MASP1: variants seen among roughly 807,000 people sequenced by gnomAD.
MASP1 encodes mannan-binding lectin serine protease 1.
Under a neutral mutation model 77.1 loss-of-function variants are expected in MASP1, and 59 were observed. The ratio of observed to expected loss-of-function variants is 0.77; its 90% confidence interval spans 0.62 to 0.95. MASP1 has a LOEUF of 0.95. Among genes scored for constraint, MASP1 ranks in the 40% least tolerant of loss-of-function variants. The pLI, the probability that MASP1 is intolerant of heterozygous loss-of-function variation, is 0.00. For synonymous variants in MASP1, 362 were observed against 354.5 expected (o/e 1.02, Z -0.24); for missense variants, 885 against 912.9 (o/e 0.97, Z 0.39).
At chr3:187,267,005 C>T (rs1716086880) in intron 2 of MASP1, among the ~76,000 whole-genome samples, 1 of 152,250 alleles carries the variant, frequency 6.6e-6, no homozygotes, top group African/African-American at 2.4e-5. Flanking sequence ...CAGCTACCAA[C>T]TGGCTCCTCA....
exon 16 of MASP1, chr3:187,218,801 C>T (rs1050715201): frequency 1.3e-5 from 2 of 152,202 alleles, no homozygotes; most frequent in African/African-American, 4.8e-5. Flanking sequence ...TAGAAGCTTC[C>T]TGAGAGAGGA....
In MASP1 at chr3:187,243,087, T is replaced by C. The variant is rs192951514; in HGVS notation, c.1228+397A>G. On this transcript the variant is annotated intron_variant, in intron 9 of 10. Coordinates refer to ENST00000296280, the MANE Select transcript of MASP1 (RefSeq NM_139125.4). Reference sequence around the variant, plus strand: ...GTGAAGCAGTAATACTGGCCTTTTTTTGGAAACCCCAACTCAGCCTCAGAC... The same window carrying C: ...GTGAAGCAGTAATACTGGCCTTTTTCTGGAAACCCCAACTCAGCCTCAGAC... The C allele has an allele frequency of 5.1e-5, 16 of 315,796 alleles. No homozygotes were observed. The East Asian group carries it at 6.6e-4, about 13-fold the overall frequency. The allele number at this position is 315,796 out of a possible 1,614,324, so 19.6% of individuals were successfully genotyped here.
At chr3:187,266,148 C>A (rs1425863476) in intron 2 of MASP1, among the ~76,000 whole-genome samples, 1 of 152,146 alleles carries the variant, frequency 6.6e-6, no homozygotes, top group Non-Finnish European at 1.5e-5. Context: ...CTTCATTTTT[C>A]TATTTCTTCT....
Position 187,244,267 on chromosome 3 carries a change from C to T in MASP1, c.1091-646G>A, listed in dbSNP as rs1322518585. ...TTCATTTTCTATAATTGTTGATGGC[C>T]GCATGTTTGAGCCATAATTCCCAGT... On this transcript the variant is annotated intron_variant, in intron 8 of 10. Coordinates refer to ENST00000296280, the MANE Select transcript of MASP1 (RefSeq NM_139125.4). The T allele has an allele frequency of 7.6e-5, 12 of 157,842 alleles. No individual in the cohort carries two copies. In the South Asian group the frequency reaches 1.7e-3, roughly 22 times the overall value. The allele number at this position is 157,842 out of a possible 1,614,324, so 9.8% of individuals were successfully genotyped here. A position where few individuals can be genotyped will look rare whatever the true frequency, so the allele number is the denominator to read the frequency against.
intron 7 of MASP1, among the ~76,000 whole-genome samples, chr3:187,251,204 C>T (rs1714554486): frequency 6.6e-6 from 1 of 152,196 alleles, no homozygotes; most frequent in African/African-American, 2.4e-5. Context: ...AGGTGATCCA[C>T]CCGCCTGGGC....
intron 2 of MASP1, among the ~76,000 whole-genome samples, chr3:187,283,959 G>A (rs1717633604): frequency 6.6e-6 from 1 of 152,110 alleles, no homozygotes; most frequent in Non-Finnish European, 1.5e-5. Context: ...AGCGTAACTG[G>A]CCTTTTTGTC....
At chr3:187,241,835 A>G (rs1260232991) in intron 9 of MASP1, 2 of 364,322 alleles carry the variant, frequency 5.5e-6, no homozygotes, top group Non-Finnish European at 1.1e-5. Context: ...CTTCTATCAA[A>G]CTCCCTTTGC....
chr3:187,271,400 C>G (rs1385970028), intron 2 of MASP1, among the ~76,000 whole-genome samples: 1 of 152,118 alleles, frequency 6.6e-6, no homozygotes, highest in African/African-American at 2.4e-5. Flanking sequence ...TTAGAAATAA[C>G]TGTAAATATC....
chr3:187,229,734 T>C (rs1560232767), downstream of MASP1: 1 of 1,613,384 alleles, frequency 6.2e-7, no homozygotes, highest in South Asian at 1.1e-5. Flanking sequence ...GTTCCTTAGC[T>C]TCCACCCCTT....
At chr3:187,256,630 G>C (rs779223726) in intron 5 of MASP1, 34 bp downstream of exon 5, 12 of 1,608,676 alleles carry the variant, frequency 7.5e-6, no homozygotes, top group Non-Finnish European at 8.5e-6. Flanking sequence ...AGATTTTCCA[G>C]CATCTCCAGG....
intron 4 of MASP1, among the ~76,000 whole-genome samples, chr3:187,260,486 C>T (rs758874519): frequency 8.5e-5 from 13 of 152,170 alleles, no homozygotes; most frequent in Non-Finnish European, 1.3e-4. Context: ...GAGACAGCAA[C>T]CTGTATAGTG....
At chr3:187,247,437 G>A (rs745322087) in intron 8 of MASP1, 1 of 1,600,982 alleles carries the variant, frequency 6.2e-7, no homozygotes, top group Non-Finnish European at 8.6e-7. Flanking sequence ...GAGGAAGGAA[G>A]CAGAGAGAGG....
intron 2 of MASP1, among the ~76,000 whole-genome samples, chr3:187,282,370 G>A (rs188899339): frequency 6.6e-6 from 1 of 151,860 alleles, no homozygotes; most frequent in Admixed American, 6.6e-5. Flanking sequence ...GGTGGCATGT[G>A]CCTGTCGTCC....
chr3:187,241,570 G>C lies in MASP1; in HGVS notation c.1229-15C>G. Reference sequence around the variant, plus strand: ...GGTATATATACCTGGATTAGTGAAAGAGGTTAGGAGAGGAGGGAGAAAATG... The same window carrying C: ...GGTATATATACCTGGATTAGTGAAACAGGTTAGGAGAGGAGGGAGAAAATG... On this transcript the variant is annotated splice_polypyrimidine_tract_variant and intron_variant, in intron 9 of 10. Coordinates refer to ENST00000296280, the MANE Select transcript of MASP1 (RefSeq NM_139125.4). 3 of 1,537,934 alleles carry C rather than the reference G, an allele frequency of 2.0e-6. No individual in the cohort carries two copies. The highest frequency in any genetic ancestry group is 2.7e-6 in the Non-Finnish European group (3 of 1,110,392).
At chr3:187,240,503 G>T (rs953993741) in intron 10 of MASP1, among the ~76,000 whole-genome samples, 1 of 152,052 alleles carries the variant, frequency 6.6e-6, no homozygotes, top group Non-Finnish European at 1.5e-5. Context: ...AAATTACTAT[G>T]TTGTGAATAT....
chr3:187,267,343 T>C (rs1054786848), intron 2 of MASP1, among the ~76,000 whole-genome samples: 3 of 152,208 alleles, frequency 2.0e-5, no homozygotes, highest in East Asian at 1.9e-4. Context: ...TTGAGGAGCA[T>C]TGCAGACTTA....
intron 10 of MASP1, among the ~76,000 whole-genome samples, chr3:187,238,790 T>G (rs1004733961): frequency 6.6e-6 from 1 of 152,220 alleles, no homozygotes; most frequent in African/African-American, 2.4e-5. Flanking sequence ...AGTTTTCTCA[T>G]TTATAAAATA....
intron 8 of MASP1, chr3:187,247,395 T>C (rs371249097): frequency 1.4e-5 from 22 of 1,613,850 alleles, no homozygotes; most frequent in Non-Finnish European, 1.6e-5. Flanking sequence ...TCTGCCACCA[T>C]GGTGAAGATC....
At chr3:187,219,588 G>A (rs1317006565) in exon 16 of MASP1, 2 of 180,568 alleles carry the variant, frequency 1.1e-5, no homozygotes, top group African/African-American at 4.7e-5. Context: ...TGAGGGGAGA[G>A]GTGTGTCACT....
Sources: allele counts gnomAD v4.1 joint callset (sites outside exome capture counted in the v4.1 genomes callset), GRCh38; gene constraint gnomAD v4.1.1; transcripts MANE v1.5; gene names NCBI Gene and HGNC (gene_info 2026-07-23, HGNC 2026-07-21).